Variants in CHCHD3 observed in about 807,000 individuals in gnomAD.
The protein encoded by CHCHD3 is coiled-coil-helix-coiled-coil-helix domain containing 3.
Under a neutral mutation model 38.2 loss-of-function variants are expected in CHCHD3, and 20 were observed. That is an observed-to-expected ratio of 0.52 (90% confidence interval 0.37 to 0.76). The LOEUF (loss-of-function observed/expected upper bound fraction) is 0.76. Ranked by LOEUF, CHCHD3 falls within the 30% of genes least tolerant of loss-of-function variation. The pLI, the probability that CHCHD3 is intolerant of heterozygous loss-of-function variation, is 0.00. For synonymous variants in CHCHD3, 82 were observed against 100.0 expected (o/e 0.82, Z 1.07); for missense variants, 245 against 279.2 (o/e 0.88, Z 0.87).
At chr7:133,020,107 G>A (rs909941581) in intron 3 of CHCHD3, among the ~76,000 whole-genome samples, 4 of 151,996 alleles carry the variant, frequency 2.6e-5, no homozygotes, top group African/African-American at 7.2e-5. Flanking sequence ...AAAAATTTTC[G>A]TGTGTGCACT....
chr7:133,047,484 C>T (rs1337816228), intron 2 of CHCHD3, among the ~76,000 whole-genome samples: 2 of 152,118 alleles, frequency 1.3e-5, no homozygotes, highest in Non-Finnish European at 2.9e-5. Context: ...TGAGCAAAAA[C>T]GAGTCTCATG....
At chr7:132,821,100 T>G (rs1030286468) in intron 6 of CHCHD3, among the ~76,000 whole-genome samples, 4 of 152,172 alleles carry the variant, frequency 2.6e-5, no homozygotes, top group Non-Finnish European at 5.9e-5. Context: ...CAATTGTAAT[T>G]TTATTGCGTT....
At position 132,849,880 on chromosome 7, in the gene CHCHD3, A is replaced by G. The variant is rs375349741; in HGVS notation, c.454-11411T>C. 3.9e-4 allele frequency among the ~76,000 whole-genome samples: 60 copies of G among 152,336 alleles called. 1 individual carries two copies. In the South Asian group the frequency reaches 0.012, roughly 31 times the overall value. ...CAAAAGCCTGTGTTAGGGTGCTGCA[A>G]TGGAATAATAGGTGTCTGGGGCTCT... On this transcript the variant is annotated intron_variant, in intron 5 of 7. Transcript: ENST00000262570.
chr7:133,025,010 C>T (rs1466143857), intron 2 of CHCHD3, among the ~76,000 whole-genome samples: 1 of 150,098 alleles, frequency 6.7e-6, no homozygotes, highest in African/African-American at 2.4e-5. Context: ...AAGAAAATGA[C>T]AAAAAAAAAT....
At chr7:132,967,194 A>C (rs1437856406) in intron 4 of CHCHD3, among the ~76,000 whole-genome samples, 2 of 152,204 alleles carry the variant, frequency 1.3e-5, no homozygotes, top group African/African-American at 4.8e-5. Context: ...AAAATATGAG[A>C]ACACATTCTA....
intron 6 of CHCHD3, among the ~76,000 whole-genome samples, chr7:132,830,082 G>A (rs1343160458): frequency 6.6e-6 from 1 of 152,088 alleles, no homozygotes; most frequent in Non-Finnish European, 1.5e-5. Flanking sequence ...CTCACCCAAG[G>A]AACTAAAAAG....
intron 2 of CHCHD3, among the ~76,000 whole-genome samples, chr7:133,036,969 A>C (rs1584663542): frequency 6.6e-6 from 1 of 152,182 alleles, no homozygotes; most frequent in East Asian, 1.9e-4. Flanking sequence ...GTGCATTTTC[A>C]TAAAGATTTA....
At chr7:132,880,429 C>T (rs762692187) in intron 5 of CHCHD3, among the ~76,000 whole-genome samples, 6 of 152,112 alleles carry the variant, frequency 3.9e-5, no homozygotes, top group African/African-American at 7.2e-5. Context: ...ACAAAATATT[C>T]AAAGTTAAAC....
chr7:132,885,865 G>T, intron 4 of CHCHD3, 120 bp from the exon 5 acceptor site: 1 of 581,074 alleles, frequency 1.7e-6, no homozygotes, highest in Non-Finnish European at 2.8e-6. Context: ...CAATCTATTA[G>T]GTCTCTGCCA....
Position 133,035,017 on chromosome 7 carries a change from T to C in CHCHD3, c.170-10390A>G, listed in dbSNP as rs1211151804. ...AAATATGGCAGTGCCACAGAGAGTG[T>C]GTCCTCATTGGAGTACTTGCGCTTA... On this transcript the variant is annotated intron_variant, in intron 2 of 7. Transcript: ENST00000262570. The surrounding 1 kb of genome is among the most constrained non-coding windows in gnomAD (Gnocchi z 4.7). The C allele has an allele frequency of 6.2e-7, 1 of 1,612,478 alleles. No homozygotes were observed. Among genetic ancestry groups the C allele is most frequent in the Admixed American group, 1.7e-5 (1 of 59,750 alleles).
chr7:133,053,704 T>A (rs182005044), intron 2 of CHCHD3, among the ~76,000 whole-genome samples: 1 of 152,348 alleles, frequency 6.6e-6, no homozygotes, highest in African/African-American at 2.4e-5. Flanking sequence ...AATGCATACA[T>A]AATAATGCTA....
intron 1 of CHCHD3, among the ~76,000 whole-genome samples, chr7:133,071,153 T>G (rs1208373230): frequency 1.3e-5 from 2 of 152,178 alleles, no homozygotes; most frequent in African/African-American, 4.8e-5. Context: ...CCTTTTTTAT[T>G]TTCTTTACAG....
intron 4 of CHCHD3, among the ~76,000 whole-genome samples, chr7:132,974,200 AG>A (rs1202229637): frequency 6.6e-6 from 1 of 152,242 alleles, no homozygotes; most frequent in Non-Finnish European, 1.5e-5. Flanking sequence ...TAAAAAGCCT[AG>A]AAAAAAATAA....
At chr7:132,914,133 T>C (rs1810040765) in intron 4 of CHCHD3, among the ~76,000 whole-genome samples, 1 of 141,936 alleles carries the variant, frequency 7.0e-6, no homozygotes, top group Non-Finnish European at 1.5e-5. Context: ...CGTGTGTGTG[T>C]GTGTGTGTGT....
At chr7:132,885,097 CA>C (rs1192040818) in intron 5 of CHCHD3, among the ~76,000 whole-genome samples, 1 of 151,886 alleles carries the variant, frequency 6.6e-6, no homozygotes, top group Non-Finnish European at 1.5e-5. Flanking sequence ...AATAAAAATA[CA>C]AAAATCAGCC....
At chr7:132,959,631 G>A (rs1243879928) in intron 4 of CHCHD3, among the ~76,000 whole-genome samples, 1 of 150,306 alleles carries the variant, frequency 6.7e-6, no homozygotes, top group Non-Finnish European at 1.5e-5. Flanking sequence ...GTTGAGGTGG[G>A]AGAATCACTT....
chr7:132,947,798 TAAA>T (rs144409976), intron 4 of CHCHD3, among the ~76,000 whole-genome samples: 2 of 151,286 alleles, frequency 1.3e-5, no homozygotes, highest in Non-Finnish European at 3.0e-5. Flanking sequence ...ACTCCAAATT[TAAA>T]AAAAAATCTA....
intron 4 of CHCHD3, among the ~76,000 whole-genome samples, chr7:132,956,555 C>T (rs368423291): frequency 1.3e-5 from 2 of 152,204 alleles, no homozygotes; most frequent in Admixed American, 1.3e-4. Context: ...TATAATTCCA[C>T]ATAAGTACAA....
At chr7:132,807,525 T>G (rs13234313) in intron 6 of CHCHD3, among the ~76,000 whole-genome samples, 1 of 150,214 alleles carries the variant, frequency 6.7e-6, no homozygotes, top group Non-Finnish European at 1.5e-5. Flanking sequence ...TAGACAGCAA[T>G]GATTACTTAT....
Sources: gnomAD v4.1 joint callset for allele counts (sites outside exome capture counted in the v4.1 genomes callset) on GRCh38, gnomAD v4.1.1 for gene constraint, Gnocchi (gnomAD v3.1) non-coding constraint, MANE v1.5 for transcripts, NCBI Gene and HGNC (gene_info 2026-07-23, HGNC 2026-07-21) for gene names.